Variants in LRRC23 observed in about 807,000 individuals in gnomAD.
LRRC23 encodes the protein leucine rich repeat containing 23, also known as leucine-rich repeat-containing protein 23.
A neutral mutation model predicts 37.7 loss-of-function variants in LRRC23; 28 were observed. The ratio of observed to expected loss-of-function variants is 0.74; its 90% CI spans 0.55 to 1.02. The LOEUF (loss-of-function observed/expected upper bound fraction) is 1.02. Among genes scored for constraint, LRRC23 ranks in the 50% least tolerant of loss-of-function variants. LRRC23 has a pLI of 0.00. For missense variants in LRRC23, 377 were observed against 413.2 expected, an observed-to-expected ratio of 0.91 and a Z score of 0.76; for synonymous variants, 161 against 165.4, an observed-to-expected ratio of 0.97 and a Z score of 0.20.
At chr12:6,909,466 A>ATATATATTTTATATATTATATAATATAT (rs1945101371) in intron 5 of LRRC23, among the ~76,000 whole-genome samples, 1 of 94,900 alleles carries the variant, frequency 1.1e-5, no homozygotes, top group African/African-American at 4.8e-5. Context: ...ATAATATATA[A>ATATATATTTTATATATTATATAATATAT]TATATATTTT....
intron 5 of LRRC23, among the ~76,000 whole-genome samples, chr12:6,909,466 ATATATATTTTAT>A (rs1945101227): frequency 2.1e-5 from 2 of 94,900 alleles, no homozygotes; most frequent in African/African-American, 9.6e-5. Context: ...ATAATATATA[ATATATATTTTAT>A]ATATTATATA....
At position 6,914,021 on chromosome 12, in the gene LRRC23, T is replaced by A; in HGVS notation, c.*155T>A. On this transcript the variant is annotated 3_prime_UTR_variant, in exon 8 of 8. Transcript: ENST00000443597. The surrounding 1 kb of genome is among the most constrained non-coding windows in gnomAD (Gnocchi z 7.1). ...TCATCACAACCTGAGGCCCAGGATC[T>A]GCTCTGTGCCGGTCCTCTGGGCAGT... is the stretch of plus-strand genomic sequence containing the variant. 1 of 1,613,160 alleles carries A rather than the reference T, an allele frequency of 6.2e-7. No homozygotes were observed. Among genetic ancestry groups the A allele is most frequent in the East Asian group, 2.2e-5 (1 of 44,834 alleles).
In LRRC23 at chr12:6,913,551, G is replaced by GTTTTTTTTTTTTTTTTTTTTTTT. The variant is rs1248085636; in HGVS notation, c.*25-337_*25-336insTTTTTTTTTTTTTTTTTTTTTTT. On this transcript the variant is annotated intron_variant, in intron 7 of 7. Transcript: ENST00000443597. ...TAGGGGAGAGGCTTTATTTACCTCT[G>GTTTTTTTTTTTTTTTTTTTTTTT]TTTGTTTTTTTTTTTTTTTTTTTTT... Among the ~76,000 whole-genome samples the GTTTTTTTTTTTTTTTTTTTTTTT allele has an allele frequency of 3.5e-4, 27 of 78,122 alleles. 13 individuals are homozygous for GTTTTTTTTTTTTTTTTTTTTTTT. The highest frequency in any genetic ancestry group is 1.1e-3 in the African/African-American group (21 of 19,518). 51.3% of individuals were successfully genotyped at this position (78,122 alleles called of 152,430 possible).
At position 6,906,596 on chromosome 12, in the gene LRRC23, G is replaced by C; in HGVS notation, c.424G>C (p.Ala142Pro). The C allele has an allele frequency of 1.2e-6, 2 of 1,614,156 alleles. No individual in the cohort carries two copies. The highest frequency in any genetic ancestry group is 1.7e-6 in the Non-Finnish European group (2 of 1,180,038). ...GCCCTACCTGCAGATTGCTAGTTTT[G>C]CTTATAACCAGATTACTGACACTGA... is the stretch of plus-strand genomic sequence containing the variant. ...ELPYLQIASF[A>P]YNQITDTEGI... is the part of the protein sequence containing the mutation. Residue 142 changes from alanine to proline, a missense_variant, in exon 4 of 8, where the codon GCT becomes CCT. Physicochemically the swap from Ala to Pro is conservative, Grantham distance 27 (BLOSUM62 -1). Transcript: ENST00000443597.
chr12:6,912,811 C>T lies in LRRC23; in HGVS notation c.840C>T (p.Asn280=), dbSNP rs782608135. The change falls in exon 7 of 8, where the codon AAC becomes AAT. Residue 280 remains asparagine, a synonymous_variant. Coordinates refer to ENST00000443597, the MANE Select transcript of LRRC23 (RefSeq NM_001135217.2). ...PKLRALVLLD[N]PCTDETSYRQ... is the part of the protein sequence containing the mutation. ...TGCGAGCGTTGGTGCTGCTTGATAA[C>T]CCATGCACGGACGAAACCAGCTACC... 5 of 1,614,038 alleles carry T rather than the reference C, an allele frequency of 3.1e-6. No homozygotes were observed. In the African/African-American group the frequency reaches 4.0e-5, roughly 13 times the overall value.
chr12:6,913,551 G>GTTTTTTTTTTTTTTTTTTTTTTTTT lies in LRRC23; in HGVS notation c.*25-337_*25-336insTTTTTTTTTTTTTTTTTTTTTTTTT, dbSNP rs1248085636. Among the ~76,000 whole-genome samples, 14 of 78,174 alleles carry GTTTTTTTTTTTTTTTTTTTTTTTTT rather than the reference G, an allele frequency of 1.8e-4. 4 individuals are homozygous for GTTTTTTTTTTTTTTTTTTTTTTTTT. Among genetic ancestry groups the GTTTTTTTTTTTTTTTTTTTTTTTTT allele is most frequent in the African/African-American group, 3.6e-4 (7 of 19,546 alleles). The allele number at this position is 78,174 out of a possible 152,430, so 51.3% of individuals were successfully genotyped here. On this transcript the variant is annotated intron_variant, in intron 7 of 7. Transcript: ENST00000443597. ...TAGGGGAGAGGCTTTATTTACCTCT[G>GTTTTTTTTTTTTTTTTTTTTTTTTT]TTTGTTTTTTTTTTTTTTTTTTTTT...
At chr12:6,912,706 A>T in intron 6 of LRRC23, 24 bp from the exon 7 acceptor site, 1 of 1,608,408 alleles carries the variant, frequency 6.2e-7, no homozygotes, top group African/African-American at 1.3e-5. Context: ...TTCCTGCATG[A>T]ACCCCTCCTG....
chr12:6,912,602 G>T, intron 6 of LRRC23, 128 bp from the exon 7 acceptor site: 1 of 833,234 alleles, frequency 1.2e-6, no homozygotes, highest in Non-Finnish European at 1.9e-6. Flanking sequence ...GGCAAGGCTT[G>T]GCAGGCCAGT....
rs1482709507 is a variant in LRRC23, at chr12:6,914,148, G to T, written c.*282G>T. 27 of 1,385,110 alleles carry T rather than the reference G, an allele frequency of 1.9e-5. No homozygotes were observed. In the South Asian group the frequency reaches 3.8e-4, roughly 20 times the overall value. 85.8% of individuals were successfully genotyped at this position (1,385,110 alleles called of 1,614,324 possible). A position where few individuals can be genotyped will look rare whatever the true frequency, so the allele number is the denominator to read the frequency against. Reference sequence around the variant, plus strand: ...GGTGAGAGCCAAGACCGCGTGGGCCGCGGGGTGCTGGTAGGAGTGGTTGGA... The same window carrying T: ...GGTGAGAGCCAAGACCGCGTGGGCCTCGGGGTGCTGGTAGGAGTGGTTGGA... On this transcript the variant is annotated 3_prime_UTR_variant, in exon 8 of 8. Transcript: ENST00000443597. The surrounding 1 kb of genome is among the most constrained non-coding windows in gnomAD (Gnocchi z 7.1).
chr12:6,913,222 T>G, intron 7 of LRRC23, 195 bp downstream of exon 7: 2 of 586,108 alleles, frequency 3.4e-6, no homozygotes, highest in Non-Finnish European at 6.0e-6. Context: ...TGAGAAAGAC[T>G]TAGGAGGCCA....
Position 6,905,854 on chromosome 12 carries a change from AC to A in LRRC23, c.142del (p.Leu48SerfsTer5). 2.5e-6 allele frequency: 4 copies of A among 1,613,616 alleles called. No homozygotes were observed. The highest frequency in any genetic ancestry group is 1.1e-5 in the South Asian group (1 of 91,058). On this transcript the variant is annotated frameshift_variant, in exon 3 of 8. Coordinates refer to ENST00000443597, the MANE Select transcript of LRRC23 (RefSeq NM_001135217.2). LOFTEE classifies it high-confidence loss of function. ...CCACTTCTACCTGCAGTGGCTGCCC[AC>A]CCCCCTCACGGAGGACATGATGAAG... is the stretch of plus-strand genomic sequence containing the variant. The part of the protein sequence containing the change: ...GEEFPEEWLP[T>X]PLTEDMMKEG...
intron 6 of LRRC23, 85 bp from the exon 7 acceptor site, chr12:6,912,645 G>A (rs782691988): frequency 1.2e-4 from 148 of 1,239,360 alleles, no homozygotes; most frequent in East Asian, 2.6e-4. Flanking sequence ...CTGGAACCCC[G>A]AGAGTCCCCC....
intron 6 of LRRC23, among the ~76,000 whole-genome samples, chr12:6,911,420 C>T (rs981760496): frequency 5.9e-5 from 9 of 152,124 alleles, no homozygotes; most frequent in African/African-American, 1.9e-4. Flanking sequence ...TGTATCTGTG[C>T]CATCTTCCTG....
rs1555141241 is a variant in LRRC23, at chr12:6,914,066, G to T, written c.*200G>T. 1 of 1,576,660 alleles carries T rather than the reference G, an allele frequency of 6.3e-7. No individual in the cohort carries two copies. On this transcript the variant is annotated 3_prime_UTR_variant, in exon 8 of 8. Transcript: ENST00000443597. The surrounding 1 kb of genome is among the most constrained non-coding windows in gnomAD (Gnocchi z 7.1). ...GGCAGTGTGGGGTGCAGAATGGGGTGCCTAGGCCTGAGCGTTGCCTGGAGC... is the reference window on the plus strand; with the variant it reads ...GGCAGTGTGGGGTGCAGAATGGGGTTCCTAGGCCTGAGCGTTGCCTGGAGC...
chr12:6,910,018 C>G lies in LRRC23; in HGVS notation c.750C>G (p.Leu250=), dbSNP rs372137208. Residue 250 remains leucine (L), a synonymous_variant, in exon 6 of 8, where the codon CTC becomes CTG. Coordinates refer to ENST00000443597, the MANE Select transcript of LRRC23 (RefSeq NM_001135217.2). ...GAGAAATGAAATCATTGCAGTACCT[C>G]AACCTGAGGTATGCACCCTCTCCAA... ...FSREMKSLQY[L]NLRGNMVANL... is the part of the protein sequence containing the mutation. The G allele has an allele frequency of 8.1e-6, 13 of 1,610,744 alleles. No individual in the cohort carries two copies. The highest frequency in any genetic ancestry group is 1.0e-5 in the Non-Finnish European group (12 of 1,178,496).
intron 5 of LRRC23, among the ~76,000 whole-genome samples, chr12:6,909,414 TATATATAATATATAAATATTATATATA>T (rs1945095481): frequency 1.7e-5 from 1 of 58,496 alleles, no homozygotes; most frequent in Non-Finnish European, 2.6e-5. Flanking sequence ...AATAGTATAT[TATATATAATATATAAATATTATATATA>T]ATAGTATATA....
At chr12:6,911,768 G>T (rs1003211615) in intron 6 of LRRC23, among the ~76,000 whole-genome samples, 1 of 152,302 alleles carries the variant, frequency 6.6e-6, no homozygotes, top group South Asian at 2.1e-4. Context: ...AGCACTTTGG[G>T]GGGGCCAAGG....
rs1945197592 is a variant in LRRC23 at position 6,912,852 on chromosome 12, T to C, written c.881T>C (p.Val294Ala). Reference sequence around the variant, plus strand: ...ACCAGCTACCGCCAGGAGGCCCTGGTGCAGATGCCATACCTTGAACGCCTG... The same window carrying C: ...ACCAGCTACCGCCAGGAGGCCCTGGCGCAGATGCCATACCTTGAACGCCTG... ...DETSYRQEAL[V>A]QMPYLERLDK... Residue 294 changes from valine to alanine, a missense_variant, in exon 7 of 8, where the codon GTG becomes GCG. Transcript: ENST00000443597. The C allele has an allele frequency of 1.9e-6, 3 of 1,614,052 alleles. No individual in the cohort carries two copies. In the East Asian group the frequency reaches 6.7e-5, roughly 36 times the overall value.
chr12:6,909,414 T>A (rs782809291), intron 5 of LRRC23, among the ~76,000 whole-genome samples: 10 of 58,496 alleles, frequency 1.7e-4, no homozygotes, highest in Non-Finnish European at 2.3e-4. Flanking sequence ...AATAGTATAT[T>A]ATATATAATA....
Sources: gnomAD v4.1 joint callset for allele counts (sites outside exome capture counted in the v4.1 genomes callset) on GRCh38, gnomAD v4.1.1 for gene constraint, Gnocchi (gnomAD v3.1) non-coding constraint, MANE v1.5 for transcripts, NCBI Gene and HGNC (gene_info 2026-07-23, HGNC 2026-07-21) for gene names.